Variants in IKZF3 observed in about 807,000 individuals in gnomAD.
The protein encoded by IKZF3 is IKAROS family zinc finger 3, also known as zinc finger protein Aiolos.
IKZF3 carries 10 observed loss-of-function variants against 49.0 expected under a neutral mutation model. The observed-to-expected ratio is 0.20, with a 90% CI of 0.13 to 0.35. The LOEUF (loss-of-function observed/expected upper bound fraction) is 0.35, where lower values mean the gene tolerates loss of function less well. IKZF3 is among the 10% of genes least tolerant of loss of function. The pLI, the probability that IKZF3 is intolerant of heterozygous loss-of-function variation, is 1.00. For missense variants in IKZF3, 498 were observed against 664.8 expected (o/e 0.75, Z 2.76); for synonymous variants, 209 against 228.2 (o/e 0.92, Z 0.76).
At position 39,795,632 on chromosome 17, in the gene IKZF3, C is replaced by T. The variant is rs536326552; in HGVS notation, c.164-2699G>A. Among the ~76,000 whole-genome samples the T allele has an allele frequency of 1.2e-3, 186 of 151,808 alleles. 1 individual carries two copies. Among genetic ancestry groups the T allele is most frequent in the African/African-American group, 4.4e-3 (183 of 41,432 alleles). On this transcript the variant is annotated intron_variant, in intron 3 of 7. Coordinates refer to ENST00000346872, the MANE Select transcript of IKZF3 (RefSeq NM_012481.5). ...ATGTTGGCCAGGCTGGTCTCGAACT[C>T]CTGACCTCAAGTGATCCACCCTCCT...
rs71149801 is a variant in IKZF3 at position 39,764,464 on chromosome 17, CA to C, written c.*1325del. 3,496 of 61,090 alleles carry C rather than the reference CA, an allele frequency of 0.057. 33 individuals carry two copies. Among genetic ancestry groups the C allele is most frequent in the Non-Finnish European group, 0.082 (2,357 of 28,812 alleles). 3.8% of individuals were successfully genotyped at this position (61,090 alleles called of 1,614,324 possible). On this transcript the variant is annotated 3_prime_UTR_variant, in exon 8 of 8. Coordinates refer to ENST00000346872, the MANE Select transcript of IKZF3 (RefSeq NM_012481.5). ...TGGGCAACAGAGTGAGATCCTGTCT[CA>C]AAAAAAAAAAAAAAAAAAAAGTTAA...
chr17:39,782,160 A>G (rs1029224260), intron 6 of IKZF3, among the ~76,000 whole-genome samples: 17 of 152,242 alleles, frequency 1.1e-4, no homozygotes, highest in Non-Finnish European at 2.2e-4. Context: ...TTTCAATTGA[A>G]GATGGCACTC....
At chr17:39,809,711 T>C (rs887506166) in intron 3 of IKZF3, among the ~76,000 whole-genome samples, 1 of 152,200 alleles carries the variant, frequency 6.6e-6, no homozygotes, top group African/African-American at 2.4e-5. Context: ...CATTTTTCTA[T>C]GGATGAAGCA....
chr17:39,850,627 A>AGTATATATATATATTAT (rs1373794144), intron 1 of IKZF3, among the ~76,000 whole-genome samples: 1 of 2,078 alleles, frequency 4.8e-4, no homozygotes, highest in African/African-American at 8.8e-4. Context: ...ATGTATATAT[A>AGTATATATATATATTAT]ATATATAGCA....
At chr17:39,850,708 A>AGC (rs370626287) in intron 1 of IKZF3, among the ~76,000 whole-genome samples, 7 of 3,700 alleles carry the variant, frequency 1.9e-3, no homozygotes, top group South Asian at 6.1e-3. Context: ...CATTATATAT[A>AGC]ATACATTATA....
At chr17:39,863,610 A>AT (rs1336831836) in intron 1 of IKZF3, among the ~76,000 whole-genome samples, 1 of 152,180 alleles carries the variant, frequency 6.6e-6, no homozygotes, top group Non-Finnish European at 1.5e-5. Context: ...TGTGAACCTG[A>AT]TTTTTTGCGC....
intron 6 of IKZF3, among the ~76,000 whole-genome samples, chr17:39,779,878 A>G (rs925672660): frequency 1.3e-5 from 2 of 152,122 alleles, no homozygotes; most frequent in African/African-American, 4.8e-5. Context: ...GGAAGAATAA[A>G]TTGAAATTAG....
chr17:39,861,362 C>T (rs1407663999), intron 1 of IKZF3, among the ~76,000 whole-genome samples: 2 of 152,054 alleles, frequency 1.3e-5, no homozygotes, highest in Non-Finnish European at 2.9e-5. Context: ...CATCAGAGAG[C>T]CTTCATGGCG....
chr17:39,836,538 T>G (rs2062289165), intron 1 of IKZF3, among the ~76,000 whole-genome samples: 1 of 152,212 alleles, frequency 6.6e-6, no homozygotes, highest in Non-Finnish European at 1.5e-5. Context: ...GTTAATTAAA[T>G]CAAGGTAGTT....
intron 3 of IKZF3, among the ~76,000 whole-genome samples, chr17:39,793,864 T>A (rs1009605208): frequency 6.6e-6 from 1 of 152,114 alleles, no homozygotes; most frequent in Non-Finnish European, 1.5e-5. Context: ...GTGGGAAAAA[T>A]ATGAAGAACA....
Position 39,792,819 on chromosome 17 carries a change from T to G in IKZF3, c.278A>C (p.Tyr93Ser). 6.2e-7 allele frequency: 1 copy of G among 1,614,198 alleles called. No individual in the cohort carries two copies. Among genetic ancestry groups the G allele is most frequent in the Non-Finnish European group, 8.5e-7 (1 of 1,179,994 alleles). The change falls in exon 4 of 8, where the codon TAT (tyrosine) becomes TCT (serine). Residue 93 changes from tyrosine (Y) to serine (S), a missense_variant. Tyr to Ser is a moderately radical substitution (Grantham distance 144, BLOSUM62 -2). This residue lies in a region of IKZF3 where 84 missense variants were observed against 168.6 expected (regional missense o/e 0.50). Coordinates refer to ENST00000346872, the MANE Select transcript of IKZF3 (RefSeq NM_012481.5). ...PEIPYSYSRE[Y>S]NEYENIKLER... ...CAACTTAATGTTTTCATATTCATTA[T>G]ATTCTCTTGAATAGCTGTAAGGGAT... is the stretch of plus-strand genomic sequence containing the variant.
At chr17:39,851,927 T>A (rs1017678044) in intron 1 of IKZF3, among the ~76,000 whole-genome samples, 1 of 152,172 alleles carries the variant, frequency 6.6e-6, no homozygotes, top group Admixed American at 6.5e-5. Context: ...GAGTTTCTCA[T>A]GATTTTGCTA....
In IKZF3 at chr17:39,773,969, CAA is replaced by C. The variant is rs2060509581; in HGVS notation, c.826+3680_826+3681del. Among the ~76,000 whole-genome samples the C allele has an allele frequency of 2.0e-5, 3 of 150,780 alleles. No homozygotes were observed. The South Asian group carries it at 6.2e-4, about 31-fold the overall frequency. ...CCATTTTTTTTTTTCCCATTTGAAA[CAA>C]AGACATACAAAATTTCTTGGAGAAT... is the stretch of plus-strand genomic sequence containing the variant. On this transcript the variant is annotated intron_variant, in intron 7 of 7. Transcript: ENST00000346872.
In IKZF3 at chr17:39,851,057, GTA is replaced by G. The variant is rs137974655; in HGVS notation, c.7+13061_7+13062del. Among the ~76,000 whole-genome samples, 517 of 143,916 alleles carry G rather than the reference GTA, an allele frequency of 3.6e-3. 3 individuals are homozygous for G. The highest frequency in any genetic ancestry group is 0.012 in the African/African-American group (482 of 39,204). The allele number at this position is 143,916 out of a possible 152,430, so 94.4% of individuals were successfully genotyped here. A position where few individuals can be genotyped will look rare whatever the true frequency, so the allele number is the denominator to read the frequency against. On this transcript the variant is annotated intron_variant, in intron 1 of 7. Transcript: ENST00000346872. Reference sequence around the variant, plus strand: ...CACGTATATATTATATATACTATGTGTATATATATATATAGAGAGAGAGGGAG... The same window carrying G: ...CACGTATATATTATATATACTATGTGTATATATATATAGAGAGAGAGGGAG...
At chr17:39,766,591 T>C (rs961709890) in intron 7 of IKZF3, 98 bp from the exon 8 acceptor site, 1 of 1,011,368 alleles carries the variant, frequency 9.9e-7, no homozygotes, top group South Asian at 1.6e-5. Flanking sequence ...GAGAGTTAAG[T>C]TGCCTGCTGC....
In IKZF3 at chr17:39,862,200, A is replaced by G. The variant is rs536408179; in HGVS notation, c.7+1920T>C. Among the ~76,000 whole-genome samples the G allele has an allele frequency of 8.1e-4, 124 of 152,328 alleles. 2 individuals carry two copies. The highest frequency in any genetic ancestry group is 2.9e-3 in the African/African-American group (122 of 41,596). On this transcript the variant is annotated intron_variant, in intron 1 of 7. Coordinates refer to ENST00000346872, the MANE Select transcript of IKZF3 (RefSeq NM_012481.5). ...AGATTTCTATTTCAAAAGCTTATTC[A>G]TCTGACATCTTCATACATAGAAAGT...
At chr17:39,823,404 G>T (rs1287618184) in intron 3 of IKZF3, among the ~76,000 whole-genome samples, 4 of 152,190 alleles carry the variant, frequency 2.6e-5, no homozygotes, top group Non-Finnish European at 5.9e-5. Flanking sequence ...AAAATTTGCA[G>T]CCTGACAATG....
At chr17:39,777,211 C>T (rs1283629999) in intron 7 of IKZF3, among the ~76,000 whole-genome samples, 13 of 152,162 alleles carry the variant, frequency 8.5e-5, no homozygotes, top group Non-Finnish European at 2.9e-5. Flanking sequence ...AGCCAATTCT[C>T]AAATTCAAGA....
chr17:39,849,530 T>A (rs1258646553), intron 1 of IKZF3, among the ~76,000 whole-genome samples: 1 of 151,886 alleles, frequency 6.6e-6, no homozygotes, highest in African/African-American at 2.4e-5. Flanking sequence ...GGGGCGGTAG[T>A]CACCTGTAAT....
Sources: allele counts gnomAD v4.1 joint callset (sites outside exome capture counted in the v4.1 genomes callset), GRCh38; gene constraint gnomAD v4.1.1; regional missense constraint gnomAD v4.1.1; transcripts MANE v1.5; gene names NCBI Gene and HGNC (gene_info 2026-07-23, HGNC 2026-07-21).